The following TRAM2 variants were observed in gnomAD, a reference collection of about 807,000 sequenced individuals.
TRAM2 encodes translocation associated membrane protein 2, also known as translocating chain-associated membrane protein 2.
A neutral mutation model predicts 51.0 loss-of-function variants in TRAM2; 12 were observed. The observed-to-expected ratio is 0.24, with a 90% CI of 0.15 to 0.38. The LOEUF (loss-of-function observed/expected upper bound fraction) is 0.38, where lower values mean the gene tolerates loss of function less well. Among genes scored for constraint, TRAM2 ranks in the 10% least tolerant of loss-of-function variants. The probability of loss-of-function intolerance (pLI) is 1.00; values close to 1 mark genes in which losing one functional copy is unlikely to be tolerated. For missense variants in TRAM2, 361 were observed against 462.0 expected (o/e 0.78, Z 2.00); for synonymous variants, 175 against 179.4 (o/e 0.98, Z 0.20).
intron 4 of TRAM2, among the ~76,000 whole-genome samples, chr6:52,511,010 T>A (rs1430715639): frequency 6.6e-5 from 10 of 152,196 alleles, no homozygotes; most frequent in Admixed American, 6.5e-4. Flanking sequence ...TATTTGTCAC[T>A]CAGAGAAGGC....
intron 4 of TRAM2, among the ~76,000 whole-genome samples, chr6:52,511,206 C>A (rs930431746): frequency 6.6e-6 from 1 of 152,172 alleles, no homozygotes; most frequent in Non-Finnish European, 1.5e-5. Context: ...CAGGTTCAAG[C>A]GATTCTCCCG....
At chr6:52,503,358 G>A in intron 10 of TRAM2, 88 bp from the exon 11 acceptor site, 1 of 1,184,866 alleles carries the variant, frequency 8.4e-7, no homozygotes, top group South Asian at 1.2e-5. Context: ...CAAGGAAGGG[G>A]CCCGGGCAGC....
intron 4 of TRAM2, among the ~76,000 whole-genome samples, chr6:52,514,970 G>T (rs574695942): frequency 2.0e-4 from 30 of 152,330 alleles, no homozygotes; most frequent in African/African-American, 6.3e-4. Flanking sequence ...CTAGTATTCT[G>T]CTTAGGAAAG....
At chr6:52,563,594 C>T (rs1189025024) in intron 1 of TRAM2, among the ~76,000 whole-genome samples, 2 of 150,632 alleles carry the variant, frequency 1.3e-5, no homozygotes, top group Non-Finnish European at 2.9e-5. Context: ...TGGTTGGCGC[C>T]TCTAGTCCCA....
chr6:52,563,455 C>T (rs1490450273), intron 1 of TRAM2, among the ~76,000 whole-genome samples: 1 of 151,080 alleles, frequency 6.6e-6, no homozygotes, highest in Non-Finnish European at 1.5e-5. Context: ...CGTGGTGGCT[C>T]ACATCTGTAA....
chr6:52,555,802 T>G (rs1449112179), intron 1 of TRAM2, among the ~76,000 whole-genome samples: 1 of 152,192 alleles, frequency 6.6e-6, no homozygotes, highest in Non-Finnish European at 1.5e-5. Flanking sequence ...AGCCTGTGCA[T>G]TCTTATTACA....
intron 1 of TRAM2, among the ~76,000 whole-genome samples, chr6:52,561,169 G>A (rs1162831768): frequency 6.6e-6 from 1 of 152,222 alleles, no homozygotes; most frequent in African/African-American, 2.4e-5. Flanking sequence ...TATATTAAAT[G>A]CCCATTTGCG....
At chr6:52,556,427 T>G (rs1244739674) in intron 1 of TRAM2, among the ~76,000 whole-genome samples, 1 of 151,962 alleles carries the variant, frequency 6.6e-6, no homozygotes, top group African/African-American at 2.4e-5. Flanking sequence ...AGTACAGGCA[T>G]GTGCCACAAC....
At chr6:52,563,333 TAGAC>T (rs1273921073) in intron 1 of TRAM2, among the ~76,000 whole-genome samples, 11 of 152,288 alleles carry the variant, frequency 7.2e-5, no homozygotes, top group East Asian at 5.8e-4. Flanking sequence ...AACAGACAGA[TAGAC>T]AGACAGATAT....
rs1766340836 is a variant in TRAM2 at position 52,505,975 on chromosome 6, TC to T, written c.731+56del. ...GAGGGACCCTCCAACCATCCGGGCC[TC>T]GGGGGAACCCCTGCCCAGGCCTCTA... On this transcript the variant is annotated intron_variant, in intron 8 of 10. Coordinates refer to ENST00000182527, the MANE Select transcript of TRAM2 (RefSeq NM_012288.4). The T allele has an allele frequency of 4.4e-6, 7 of 1,587,710 alleles. No homozygotes were observed. In the Admixed American group the frequency reaches 1.2e-4, roughly 26 times the overall value.
rs957753220 is a variant in TRAM2 at position 52,556,968 on chromosome 6, C to A, written c.120+19828G>T. On this transcript the variant is annotated intron_variant, in intron 1 of 10. Transcript: ENST00000182527. ...AATCATTTTGGGAGGCCGAGGTGGG[C>A]AGATCACCTGAGGTCAGGAGTTCGA... Among the ~76,000 whole-genome samples the A allele has an allele frequency of 1.6e-4, 24 of 149,762 alleles. 1 individual carries two copies. Among genetic ancestry groups the A allele is most frequent in the Non-Finnish European group, 1.5e-5 (1 of 67,728 alleles).
At chr6:52,507,074 T>A (rs182774574) in intron 7 of TRAM2, among the ~76,000 whole-genome samples, 206 of 152,356 alleles carry the variant, frequency 1.4e-3, no homozygotes, top group African/African-American at 4.9e-3. Context: ...AGCAATTCTT[T>A]CTGCCTCTAG....
At chr6:52,542,586 A>G (rs1767123538) in intron 1 of TRAM2, among the ~76,000 whole-genome samples, 1 of 152,138 alleles carries the variant, frequency 6.6e-6, no homozygotes, top group Non-Finnish European at 1.5e-5. Flanking sequence ...CACCTGAAAA[A>G]CTGCCTTGAT....
In TRAM2 at chr6:52,503,127, G is replaced by T; in HGVS notation, c.*70C>A. On this transcript the variant is annotated 3_prime_UTR_variant, in exon 11 of 11. Coordinates refer to ENST00000182527, the MANE Select transcript of TRAM2 (RefSeq NM_012288.4). Reference sequence around the variant, plus strand: ...TCACAGGCAGGAAGGAGGAGGCAGGGAGGGGGCCTGGGCTCCTTGCCCCCT... The same window carrying T: ...TCACAGGCAGGAAGGAGGAGGCAGGTAGGGGGCCTGGGCTCCTTGCCCCCT... 7.7e-7 allele frequency: 1 copy of T among 1,306,786 alleles called. No homozygotes were observed. The highest frequency in any genetic ancestry group is 1.5e-5 in the African/African-American group (1 of 68,876). 80.9% of individuals were successfully genotyped at this position (1,306,786 alleles called of 1,614,324 possible).
chr6:52,518,006 G>A (rs747767804), intron 2 of TRAM2, among the ~76,000 whole-genome samples: 4 of 152,170 alleles, frequency 2.6e-5, no homozygotes, highest in Admixed American at 1.3e-4. Flanking sequence ...TATTCTGTGA[G>A]AGGCACTGGG....
In TRAM2 at chr6:52,504,648, T is replaced by C. The variant is rs763148177; in HGVS notation, c.982A>G (p.Lys328Glu). Residue 328 changes from lysine (K) to glutamate (E), a missense_variant, in exon 10 of 11, where the codon AAG (lysine) becomes GAG (glutamate). Coordinates refer to ENST00000182527, the MANE Select transcript of TRAM2 (RefSeq NM_012288.4). ...WREYWNEQSA[K>E]RRVPATPRLP... ...CTGGGTGTGGCTGGGACTCTCCGCTTTGCACTCTGCTCATTCCAGTATTCC... is the reference window on the plus strand; with the variant it reads ...CTGGGTGTGGCTGGGACTCTCCGCTCTGCACTCTGCTCATTCCAGTATTCC... 1 of 1,614,026 alleles carries C rather than the reference T, an allele frequency of 6.2e-7. No individual in the cohort carries two copies. The highest frequency in any genetic ancestry group is 2.2e-5 in the East Asian group (1 of 44,890).
intron 2 of TRAM2, among the ~76,000 whole-genome samples, chr6:52,520,342 T>A (rs1766647640): frequency 6.6e-6 from 1 of 152,172 alleles, no homozygotes; most frequent in Non-Finnish European, 1.5e-5. Flanking sequence ...TCGTCACATG[T>A]TCATAGAGAC....
chr6:52,533,813 C>T (rs1051216637), intron 2 of TRAM2, among the ~76,000 whole-genome samples: 1 of 152,220 alleles, frequency 6.6e-6, no homozygotes, highest in Non-Finnish European at 1.5e-5. Flanking sequence ...AGGAAAAGGC[C>T]GGGTGCAGTG....
At chr6:52,542,606 A>T (rs1211224279) in intron 1 of TRAM2, among the ~76,000 whole-genome samples, 1 of 152,234 alleles carries the variant, frequency 6.6e-6, no homozygotes, top group East Asian at 1.9e-4. Flanking sequence ...TACAAAAATC[A>T]GGCAAAGCTA....
Sources: gnomAD v4.1 joint callset for allele counts (sites outside exome capture counted in the v4.1 genomes callset) on GRCh38, gnomAD v4.1.1 for gene constraint, MANE v1.5 for transcripts, NCBI Gene and HGNC (gene_info 2026-07-23, HGNC 2026-07-21) for gene names.